NPTN: variants seen among roughly 807,000 people sequenced by gnomAD.
The protein encoded by NPTN is neuroplastin, also known as SDR-1.
A neutral mutation model predicts 42.7 loss-of-function variants in NPTN; 5 were observed. That is an observed-to-expected ratio of 0.12 (90% CI 0.06 to 0.25). The LOEUF (loss-of-function observed/expected upper bound fraction) is 0.25, where lower values mean the gene tolerates loss of function less well. Among genes scored for constraint, NPTN ranks in the 10% least tolerant of loss-of-function variants. The pLI is 1.00. For missense variants in NPTN, 307 were observed against 525.4 expected, an observed-to-expected ratio of 0.58 and a Z score of 4.06; for synonymous variants, 180 against 201.9, an observed-to-expected ratio of 0.89 and a Z score of 0.92.
At chr15:73,608,864 A>G (rs76073167) in intron 1 of NPTN, among the ~76,000 whole-genome samples, 45 of 152,380 alleles carry the variant, frequency 3.0e-4, no homozygotes, top group African/African-American at 8.9e-4. Flanking sequence ...CAGTGATACT[A>G]TAACTGTAAT....
chr15:73,602,676 C>A (rs1442777051), intron 1 of NPTN, among the ~76,000 whole-genome samples: 1 of 152,174 alleles, frequency 6.6e-6, no homozygotes, highest in Non-Finnish European at 1.5e-5. Context: ...TCTGTGTGTA[C>A]TGACCAAGGG....
chr15:73,563,645 G>T, intron 6 of NPTN: 1 of 847,344 alleles, frequency 1.2e-6, no homozygotes, highest in Non-Finnish European at 1.4e-6. Flanking sequence ...TTGTTTTCTT[G>T]TGGTGAATGC....
chr15:73,606,469 C>G (rs1372891657), intron 1 of NPTN, among the ~76,000 whole-genome samples: 1 of 152,126 alleles, frequency 6.6e-6, no homozygotes, highest in African/African-American at 2.4e-5. Context: ...ATGTCTCATG[C>G]AGGGGAAACA....
intron 6 of NPTN, chr15:73,567,911 G>C: frequency 1.0e-6 from 1 of 985,408 alleles, no homozygotes; most frequent in Non-Finnish European, 1.2e-6. Context: ...ACTCTCCCAA[G>C]AGACTAGAGC....
At chr15:73,612,364 A>C (rs1182094460) in intron 1 of NPTN, among the ~76,000 whole-genome samples, 1 of 151,840 alleles carries the variant, frequency 6.6e-6, no homozygotes, top group African/African-American at 2.4e-5. Flanking sequence ...AGCTGCAATA[A>C]ACCGTGATCA....
chr15:73,575,509 C>T (rs1168297432), intron 4 of NPTN, among the ~76,000 whole-genome samples: 3 of 152,228 alleles, frequency 2.0e-5, no homozygotes, highest in African/African-American at 7.2e-5. Flanking sequence ...TGCCTTGGTC[C>T]CAATTCCAGT....
intron 4 of NPTN, among the ~76,000 whole-genome samples, chr15:73,582,643 G>A (rs1483981294): frequency 6.6e-6 from 1 of 152,118 alleles, no homozygotes; most frequent in Non-Finnish European, 1.5e-5. Flanking sequence ...CAGTTCATAT[G>A]AATTAAATCA....
chr15:73,633,051 A>T (rs1898848127), intron 1 of NPTN, 74 bp downstream of exon 1: 1 of 1,083,506 alleles, frequency 9.2e-7, no homozygotes, highest in African/African-American at 1.7e-5. Context: ...GCGTCTCCTC[A>T]GGCCAGAGCC....
chr15:73,625,048 A>C (rs1230012808), intron 1 of NPTN, among the ~76,000 whole-genome samples: 1 of 152,234 alleles, frequency 6.6e-6, no homozygotes, highest in Non-Finnish European at 1.5e-5. Context: ...ATGTCTAGTG[A>C]AAATCCTTGT....
intron 4 of NPTN, among the ~76,000 whole-genome samples, chr15:73,585,249 G>C (rs566326328): frequency 6.6e-6 from 1 of 152,102 alleles, no homozygotes; most frequent in South Asian, 2.1e-4. Flanking sequence ...TGATGTTCTC[G>C]GAACCTCTCT....
intron 1 of NPTN, among the ~76,000 whole-genome samples, chr15:73,601,781 G>A (rs368261130): frequency 1.3e-5 from 2 of 152,324 alleles, no homozygotes; most frequent in African/African-American, 4.8e-5. Context: ...TGCATTCAGA[G>A]CAACAGTGAT....
At chr15:73,563,002 G>GT (rs1032113120) in intron 7 of NPTN, among the ~76,000 whole-genome samples, 1 of 150,112 alleles carries the variant, frequency 6.7e-6, no homozygotes, top group Non-Finnish European at 1.5e-5. Context: ...AAAAAAAAAA[G>GT]TTTTTTGCAT....
At position 73,560,300 on chromosome 15, in the gene NPTN, A is replaced by G. The variant is rs566113922; in HGVS notation, c.*763T>C. On this transcript the variant is annotated 3_prime_UTR_variant, in exon 9 of 9. Coordinates refer to ENST00000345330, the MANE Select transcript of NPTN (RefSeq NM_012428.4). ...ATAAAAGTTTGCCTTGATTGAATGA[A>G]TGTACAAGAATAAGGTTCAACACAT... 4.6e-4 allele frequency: 77 copies of G among 166,246 alleles called. 1 individual carries two copies. The highest frequency in any genetic ancestry group is 8.8e-4 in the Non-Finnish European group (68 of 77,640). The allele number at this position is 166,246 out of a possible 1,614,324, so 10.3% of individuals were successfully genotyped here. A position where few individuals can be genotyped will look rare whatever the true frequency, so the allele number is the denominator to read the frequency against.
Position 73,569,649 on chromosome 15 carries a change from G to C in NPTN, c.1114+501C>G, listed in dbSNP as rs1895254439. The C allele has an allele frequency of 3.0e-6, 3 of 985,462 alleles. No homozygotes were observed. Among genetic ancestry groups the C allele is most frequent in the Non-Finnish European group, 3.6e-6 (3 of 829,932 alleles). 61.0% of individuals were successfully genotyped at this position (985,462 alleles called of 1,614,324 possible). ...CCAATGGCTTTTCTGAGAACAGTCTGACTGGGCTGGGGCAGTTACCTACAG... is the reference window on the plus strand; with the variant it reads ...CCAATGGCTTTTCTGAGAACAGTCTCACTGGGCTGGGGCAGTTACCTACAG... On this transcript the variant is annotated intron_variant, in intron 6 of 8. Coordinates refer to ENST00000345330, the MANE Select transcript of NPTN (RefSeq NM_012428.4). The surrounding 1 kb of genome is among the most constrained non-coding windows in gnomAD (Gnocchi z 4.1).
intron 1 of NPTN, among the ~76,000 whole-genome samples, chr15:73,618,457 G>C (rs974680214): frequency 6.6e-6 from 1 of 151,988 alleles, no homozygotes; most frequent in East Asian, 1.9e-4. Flanking sequence ...GATTAAAATA[G>C]AATTTAAAAA....
chr15:73,605,728 A>G (rs75854313), intron 1 of NPTN, among the ~76,000 whole-genome samples: 4 of 64,744 alleles, frequency 6.2e-5, no homozygotes, highest in Admixed American at 4.3e-4. Context: ...ACTCACCTCA[A>G]AAAAAAAAAA....
intron 6 of NPTN, among the ~76,000 whole-genome samples, chr15:73,564,843 C>T (rs193152940): frequency 9.8e-5 from 15 of 152,296 alleles, no homozygotes; most frequent in Non-Finnish European, 1.8e-4. Flanking sequence ...TGGCTGTGCA[C>T]TCGAAAATAC....
intron 4 of NPTN, among the ~76,000 whole-genome samples, chr15:73,579,640 C>A (rs1367666227): frequency 1.3e-5 from 2 of 152,118 alleles, no homozygotes; most frequent in Non-Finnish European, 1.5e-5. Flanking sequence ...TAGGAACAGT[C>A]TTCACTCCTG....
intron 1 of NPTN, among the ~76,000 whole-genome samples, chr15:73,606,284 T>C (rs1168969179): frequency 6.6e-6 from 1 of 152,206 alleles, no homozygotes; most frequent in Non-Finnish European, 1.5e-5. Context: ...ACCATGACTT[T>C]TTTAAAACTA....
Sources: gnomAD v4.1 joint callset for allele counts (sites outside exome capture counted in the v4.1 genomes callset) on GRCh38, gnomAD v4.1.1 for gene constraint, Gnocchi (gnomAD v3.1) non-coding constraint, MANE v1.5 for transcripts, NCBI Gene and HGNC (gene_info 2026-07-23, HGNC 2026-07-21) for gene names.